ERC1: variants seen among roughly 807,000 people sequenced by gnomAD.
The protein encoded by ERC1 is ELKS/RAB6-interacting/CAST family member 1.
Under a neutral mutation model 132.0 loss-of-function variants are expected in ERC1, and 56 were observed. The ratio of observed to expected loss-of-function variants is 0.42; its 90% confidence interval spans 0.34 to 0.53. The LOEUF (loss-of-function observed/expected upper bound fraction) is 0.53, where lower values mean the gene tolerates loss of function less well. ERC1 is among the 20% of genes least tolerant of loss of function. The pLI is 0.03. For synonymous variants in ERC1, 478 were observed against 476.1 expected (o/e 1.00, Z -0.05); for missense variants, 1,202 against 1,349.9 (o/e 0.89, Z 1.72).
intron 1 of ERC1, among the ~76,000 whole-genome samples, chr12:1,012,690 G>A (rs1414909210): frequency 6.6e-6 from 1 of 151,984 alleles, no homozygotes; most frequent in African/African-American, 2.4e-5. Context: ...TCCTGACCTC[G>A]TGGTCTGCCT....
intron 15 of ERC1, among the ~76,000 whole-genome samples, chr12:1,317,261 G>C (rs1360567310): frequency 6.6e-6 from 1 of 151,832 alleles, no homozygotes; most frequent in Non-Finnish European, 1.5e-5. Flanking sequence ...GCAGGGACAT[G>C]GATGAAGCTG....
At chr12:1,484,649 C>G (rs982258573) in intron 18 of ERC1, among the ~76,000 whole-genome samples, 4 of 150,308 alleles carry the variant, frequency 2.7e-5, no homozygotes, top group Admixed American at 6.6e-5. Context: ...GTGATCTCGG[C>G]TCACTGTAAG....
At chr12:1,039,240 G>A (rs1969707733) in intron 2 of ERC1, among the ~76,000 whole-genome samples, 2 of 151,758 alleles carry the variant, frequency 1.3e-5, no homozygotes, top group African/African-American at 2.4e-5. Flanking sequence ...GGGAGGCTGA[G>A]GCAGGAGAAT....
rs75200430 is a variant in ERC1 at position 1,426,838 on chromosome 12, T to G, written c.3025-17724T>G. On this transcript the variant is annotated intron_variant, in intron 17 of 18. Transcript: ENST00000360905. ...TTTTTTTCTTCATAATTTAGAGTGG[T>G]TTGTGACTGGGCCACATTCCATCTT... Among the ~76,000 whole-genome samples, 662 of 152,266 alleles carry G rather than the reference T, an allele frequency of 4.3e-3. 3 individuals carry two copies. Among genetic ancestry groups the G allele is most frequent in the African/African-American group, 0.015 (608 of 41,548 alleles).
chr12:1,221,761 GTAT>G (rs898784731), intron 12 of ERC1, among the ~76,000 whole-genome samples: 2 of 152,142 alleles, frequency 1.3e-5, no homozygotes, highest in South Asian at 4.1e-4. Flanking sequence ...TATTTAAGTA[GTAT>G]TATAAAATTT....
chr12:1,395,464 A>G (rs2090452590), intron 16 of ERC1, among the ~76,000 whole-genome samples: 1 of 149,130 alleles, frequency 6.7e-6, no homozygotes, highest in South Asian at 2.1e-4. Flanking sequence ...TTGTGTTAAT[A>G]TATGTTTGAA....
intron 15 of ERC1, among the ~76,000 whole-genome samples, chr12:1,333,621 G>A (rs190814050): frequency 1.4e-3 from 219 of 152,084 alleles, no homozygotes; most frequent in African/African-American, 5.1e-3. Context: ...GTGAGCCACC[G>A]CACCCGGCCC....
chr12:1,377,381 G>GACATTCTAGCAC (rs1367009008), intron 16 of ERC1, among the ~76,000 whole-genome samples: 1 of 151,876 alleles, frequency 6.6e-6, no homozygotes, highest in African/African-American at 2.4e-5. Context: ...CAATCTAGCA[G>GACATTCTAGCAC]ACATTCTAGC....
chr12:1,041,002 G>T (rs544729272), intron 2 of ERC1, among the ~76,000 whole-genome samples: 2 of 152,148 alleles, frequency 1.3e-5, no homozygotes, highest in South Asian at 2.1e-4. Context: ...TCTTAAACTT[G>T]TTGGCCACAG....
chr12:1,232,163 T>TG (rs1177701933), intron 12 of ERC1, among the ~76,000 whole-genome samples: 1 of 152,188 alleles, frequency 6.6e-6, no homozygotes. Context: ...GCCTTGGTGG[T>TG]GGTGGTAATG....
chr12:1,462,533 C>A (rs528637318), intron 18 of ERC1, among the ~76,000 whole-genome samples: 1 of 152,316 alleles, frequency 6.6e-6, no homozygotes, highest in African/African-American at 2.4e-5. Context: ...ACAACTGAAT[C>A]TTCAGAAACA....
intron 1 of ERC1, among the ~76,000 whole-genome samples, chr12:1,022,880 A>G (rs1966585803): frequency 6.6e-6 from 1 of 152,038 alleles, no homozygotes; most frequent in African/African-American, 2.4e-5. Context: ...GGCCTCCCAA[A>G]GTGTTGGGAT....
chr12:1,484,363 G>A (rs73601968), intron 18 of ERC1, among the ~76,000 whole-genome samples: 6,159 of 151,924 alleles, frequency 0.041, 425 homozygotes, highest in African/African-American at 0.14. Flanking sequence ...TTGTACATAC[G>A]TTCTTAAATT....
rs1594129145 is a variant in ERC1, at chr12:1,195,943, A to G, written c.2351+5891A>G. Among the ~76,000 whole-genome samples the G allele has an allele frequency of 4.3e-5, 6 of 139,744 alleles. No individual in the cohort carries two copies. In the Middle Eastern group the frequency reaches 0.019, roughly 441 times the overall value. 91.7% of individuals were successfully genotyped at this position (139,744 alleles called of 152,430 possible). A position where few individuals can be genotyped will look rare whatever the true frequency, so the allele number is the denominator to read the frequency against. On this transcript the variant is annotated intron_variant, in intron 12 of 18. Coordinates refer to ENST00000360905, the MANE Select transcript of ERC1 (RefSeq NM_178040.4). ...AAGAGTTAAAGTTTTTTGGTAAGTC[A>G]AATAAGGATCAATGCTGCTGAAAGC...
At chr12:1,197,643 T>C (rs1363835872) in intron 12 of ERC1, among the ~76,000 whole-genome samples, 1 of 152,240 alleles carries the variant, frequency 6.6e-6, no homozygotes, top group Non-Finnish European at 1.5e-5. Flanking sequence ...AGTTAAGGGA[T>C]ACGTCTGGCT....
At position 1,341,069 on chromosome 12, in the gene ERC1, CTTTTTTTTTTTTTTTTT is replaced by C. The variant is rs35902573; in HGVS notation, c.2781-30738_2781-30722del. ...AATGTCCACTTATTCTTTTCTTTTT[CTTTTTTTTTTTTTTTTT>C]TTTTTTTTTTTTTTTTTTTTTTTTT... On this transcript the variant is annotated intron_variant, in intron 15 of 18. Transcript: ENST00000360905. Among the ~76,000 whole-genome samples the C allele has an allele frequency of 1.9e-3, 120 of 63,122 alleles. 1 individual carries two copies. Among genetic ancestry groups the C allele is most frequent in the African/African-American group, 6.1e-3 (96 of 15,866 alleles). The allele number at this position is 63,122 out of a possible 152,430, so 41.4% of individuals were successfully genotyped here. A position where few individuals can be genotyped will look rare whatever the true frequency, so the allele number is the denominator to read the frequency against.
chr12:1,400,919 T>TTATTA lies in ERC1; in HGVS notation c.2926-7229_2926-7228insATTAT, dbSNP rs1566775077. 1.6e-3 allele frequency among the ~76,000 whole-genome samples: 53 copies of TTATTA among 33,140 alleles called. 4 individuals carry two copies. Among genetic ancestry groups the TTATTA allele is most frequent in the African/African-American group, 0.012 (51 of 4,406 alleles). 21.7% of individuals were successfully genotyped at this position (33,140 alleles called of 152,430 possible). A position where few individuals can be genotyped will look rare whatever the true frequency, so the allele number is the denominator to read the frequency against. On this transcript the variant is annotated intron_variant, in intron 16 of 18. Transcript: ENST00000360905. ...ATATTGTTTTGGCTATTTTTGTATTTTTTTTTTTTTTTTTTTTTTTTTTTT... is the reference window on the plus strand; with the variant it reads ...ATATTGTTTTGGCTATTTTTGTATTTTATTATTTTTTTTTTTTTTTTTTTTTTTTT...
intron 14 of ERC1, among the ~76,000 whole-genome samples, chr12:1,266,373 A>AT (rs1229045713): frequency 1.0e-4 from 3 of 29,898 alleles, no homozygotes; most frequent in Admixed American, 9.4e-4. Context: ...TTTTATTATT[A>AT]TTTTTATCGT....
chr12:1,355,954 C>G (rs1452664247), intron 15 of ERC1, among the ~76,000 whole-genome samples: 1 of 152,066 alleles, frequency 6.6e-6, no homozygotes, highest in Non-Finnish European at 1.5e-5. Flanking sequence ...ACCTGTAGTC[C>G]TAGCACTTTG....
Sources: gnomAD v4.1 joint callset for allele counts (sites outside exome capture counted in the v4.1 genomes callset) on GRCh38, gnomAD v4.1.1 for gene constraint, MANE v1.5 for transcripts, NCBI Gene and HGNC (gene_info 2026-07-23, HGNC 2026-07-21) for gene names.